The following EPB41L4A variants were observed in gnomAD, a reference collection of about 807,000 sequenced individuals.
EPB41L4A encodes the protein band 4.1-like protein 4A.
In EPB41L4A, 100 loss-of-function variants were observed where a neutral mutation model predicts 108.6. That is an observed-to-expected ratio of 0.92 (90% confidence interval 0.78 to 1.09). EPB41L4A has a LOEUF of 1.09. EPB41L4A is among the 50% of genes least tolerant of loss of function. The pLI is 0.00. For synonymous variants in EPB41L4A, 319 were observed against 289.0 expected, an observed-to-expected ratio of 1.10 and a Z score of -1.05; for missense variants, 1,030 against 842.7, an observed-to-expected ratio of 1.22 and a Z score of -2.75.
chr5:112,414,985 T>C (rs757824539), intron 1 of EPB41L4A, among the ~76,000 whole-genome samples: 2 of 152,226 alleles, frequency 1.3e-5, no homozygotes, highest in Non-Finnish European at 2.9e-5. Flanking sequence ...TTCCTGACTC[T>C]GTACCTTAAG....
At chr5:112,380,691 T>C (rs1214386757) in intron 1 of EPB41L4A, among the ~76,000 whole-genome samples, 1 of 152,020 alleles carries the variant, frequency 6.6e-6, no homozygotes, top group Non-Finnish European at 1.5e-5. Context: ...TGATTATATA[T>C]TACAAAGCAC....
intron 12 of EPB41L4A, among the ~76,000 whole-genome samples, chr5:112,217,479 G>A (rs978746406): frequency 2.0e-5 from 3 of 152,042 alleles, no homozygotes; most frequent in African/African-American, 7.2e-5. Flanking sequence ...CAGGAGGGTC[G>A]CTTGAGGCTA....
Position 112,275,377 on chromosome 5 carries a change from C to A in EPB41L4A, c.284G>T (p.Gly95Val). Reference protein sequence around the residue: ...NTGPPYTLYFGIKFYAEDPCK... With the variant: ...NTGPPYTLYFVIKFYAEDPCK... ...TGGATCTTCAGCATAGAATTTAATA[C>A]CAAAATACAAAGTATATGGAGGTCC... is the stretch of plus-strand genomic sequence containing the variant. Residue 95 changes from glycine (G) to valine (V), a missense_variant, in exon 4 of 23, where the codon GGT becomes GTT. By Grantham distance (109) the Gly-to-Val change is moderately radical. Transcript: ENST00000261486. 1.3e-6 allele frequency: 2 copies of A among 1,553,302 alleles called. No individual in the cohort carries two copies. Among genetic ancestry groups the A allele is most frequent in the Non-Finnish European group, 1.7e-6 (2 of 1,143,006 alleles).
intron 1 of EPB41L4A, among the ~76,000 whole-genome samples, chr5:112,373,671 G>T (rs1300294156): frequency 6.6e-6 from 1 of 152,200 alleles, no homozygotes; most frequent in Non-Finnish European, 1.5e-5. Context: ...AAGTGGCAGA[G>T]CCAGGGTTAG....
intron 2 of EPB41L4A, among the ~76,000 whole-genome samples, chr5:112,284,887 C>T (rs1753184598): frequency 6.6e-6 from 1 of 152,202 alleles, no homozygotes; most frequent in African/African-American, 2.4e-5. Context: ...TGCTTTCATC[C>T]ACCTTGGCTG....
chr5:112,328,749 C>T (rs1756354793), intron 1 of EPB41L4A, among the ~76,000 whole-genome samples: 1 of 152,196 alleles, frequency 6.6e-6, no homozygotes, highest in African/African-American at 2.4e-5. Flanking sequence ...AATAACAAAG[C>T]TTCTAGTAAA....
intron 1 of EPB41L4A, among the ~76,000 whole-genome samples, chr5:112,351,592 G>A (rs1025927402): frequency 2.6e-5 from 4 of 151,812 alleles, no homozygotes; most frequent in African/African-American, 4.8e-5. Context: ...GAAGAGGAGG[G>A]AATTCTTCCT....
chr5:112,215,729 T>C (rs573550779), intron 12 of EPB41L4A, among the ~76,000 whole-genome samples: 32 of 130,638 alleles, frequency 2.4e-4, no homozygotes, highest in Middle Eastern at 4.7e-3. Flanking sequence ...CGCCACTGCA[T>C]TCCAGCCTGG....
chr5:112,306,091 A>G lies in EPB41L4A; in HGVS notation c.204+1295T>C, dbSNP rs574092783. Among the ~76,000 whole-genome samples the G allele has an allele frequency of 1.8e-3, 273 of 152,282 alleles. 1 individual carries two copies. The highest frequency in any genetic ancestry group is 3.4e-3 in the Middle Eastern group (1 of 294). On this transcript the variant is annotated intron_variant, in intron 2 of 22. Transcript: ENST00000261486. ...ACAAGGTCTATATAACTTTAGCAAGACAGTCAATCTTTCCAGGCAAAGTCT... is the reference window on the plus strand; with the variant it reads ...ACAAGGTCTATATAACTTTAGCAAGGCAGTCAATCTTTCCAGGCAAAGTCT...
At chr5:112,251,940 C>G (rs932389160) in intron 9 of EPB41L4A, among the ~76,000 whole-genome samples, 1 of 152,142 alleles carries the variant, frequency 6.6e-6, no homozygotes. Flanking sequence ...TCTGTCTTGG[C>G]AAAGTGGTGC....
intron 4 of EPB41L4A, among the ~76,000 whole-genome samples, chr5:112,270,878 C>A (rs553285781): frequency 1.3e-5 from 2 of 152,190 alleles, no homozygotes; most frequent in African/African-American, 4.8e-5. Flanking sequence ...AGAAAAAAAT[C>A]GAACACCTGT....
chr5:112,176,038 C>A (rs531801762), intron 18 of EPB41L4A, among the ~76,000 whole-genome samples: 1 of 152,132 alleles, frequency 6.6e-6, no homozygotes, highest in African/African-American at 2.4e-5. Flanking sequence ...CTCTTCATTT[C>A]TCACCACCTC....
chr5:112,232,072 A>C (rs927974951), intron 12 of EPB41L4A, among the ~76,000 whole-genome samples: 2 of 151,210 alleles, frequency 1.3e-5, no homozygotes, highest in African/African-American at 4.9e-5. Flanking sequence ...TATGGCCACA[A>C]CACTGCATTC....
Position 112,164,748 on chromosome 5 carries a change from T to C in EPB41L4A, c.*242A>G, listed in dbSNP as rs997762494. 18 of 276,430 alleles carry C rather than the reference T, an allele frequency of 6.5e-5. No homozygotes were observed. Among genetic ancestry groups the C allele is most frequent in the African/African-American group, 3.9e-4 (17 of 43,980 alleles). 17.1% of individuals were successfully genotyped at this position (276,430 alleles called of 1,614,324 possible). On this transcript the variant is annotated 3_prime_UTR_variant, in exon 23 of 23. Coordinates refer to ENST00000261486, the MANE Select transcript of EPB41L4A (RefSeq NM_022140.5). ...TGCTCGGGAGCCTGAGACAGGAGAA[T>C]CGCTTAACCCAGTAAGTGGAGGCTG... is the stretch of plus-strand genomic sequence containing the variant.
At chr5:112,281,688 C>T (rs1752977897) in intron 2 of EPB41L4A, among the ~76,000 whole-genome samples, 1 of 152,248 alleles carries the variant, frequency 6.6e-6, no homozygotes, top group Admixed American at 6.5e-5. Flanking sequence ...CCCCACTTTC[C>T]TTCCCCTCAG....
chr5:112,240,860 T>G, intron 9 of EPB41L4A, 50 bp from the exon 10 acceptor site: 1 of 1,174,672 alleles, frequency 8.5e-7, no homozygotes. Context: ...GGAAGGAAGA[T>G]AGCATTCTTC....
In EPB41L4A at chr5:112,164,241, G is replaced by C. The variant is rs1359838252; in HGVS notation, c.*749C>G. 3.3e-5 allele frequency: 5 copies of C among 152,172 alleles called. No homozygotes were observed. Among genetic ancestry groups the C allele is most frequent in the African/African-American group, 1.2e-4 (5 of 41,432 alleles). The allele number at this position is 152,172 out of a possible 1,614,324, so 9.4% of individuals were successfully genotyped here. ...ACACCACAAAATAAAGTATTATAAA[G>C]AACTTTATATGAATAAAAATATATG... is the stretch of plus-strand genomic sequence containing the variant. On this transcript the variant is annotated 3_prime_UTR_variant, in exon 23 of 23. Transcript: ENST00000261486.
chr5:112,329,204 G>A (rs968010898), intron 1 of EPB41L4A, among the ~76,000 whole-genome samples: 1 of 152,184 alleles, frequency 6.6e-6, no homozygotes, highest in Non-Finnish European at 1.5e-5. Flanking sequence ...TTGATTACAT[G>A]TTGAAATAAT....
intron 12 of EPB41L4A, among the ~76,000 whole-genome samples, chr5:112,157,378 G>C (rs995538858): frequency 2.0e-5 from 3 of 152,162 alleles, no homozygotes; most frequent in African/African-American, 7.2e-5. Context: ...AGAAATGGTG[G>C]AGTAACAAAT....
Sources: gnomAD v4.1 joint callset for allele counts (sites outside exome capture counted in the v4.1 genomes callset) on GRCh38, gnomAD v4.1.1 for gene constraint, MANE v1.5 for transcripts, NCBI Gene and HGNC (gene_info 2026-07-23, HGNC 2026-07-21) for gene names.